The following LIPC variants were observed in gnomAD, a reference collection of about 807,000 sequenced individuals.
LIPC encodes the protein hepatic triacylglycerol lipase.
Under a neutral mutation model 50.7 loss-of-function variants are expected in LIPC, and 44 were observed. The observed-to-expected ratio is 0.87, with a 90% confidence interval of 0.68 to 1.11. The LOEUF (loss-of-function observed/expected upper bound fraction) is 1.11, where lower values mean the gene tolerates loss of function less well. Ranked by LOEUF, LIPC falls within the 50% of genes most tolerant of loss-of-function variation. The pLI, the probability that LIPC is intolerant of heterozygous loss-of-function variation, is 0.00. For missense variants in LIPC, 697 were observed against 648.2 expected (o/e 1.08, Z -0.82); for synonymous variants, 271 against 256.4 (o/e 1.06, Z -0.54).
At chr15:58,466,127 T>C (rs561778590) in intron 1 of LIPC, among the ~76,000 whole-genome samples, 1 of 152,242 alleles carries the variant, frequency 6.6e-6, no homozygotes, top group South Asian at 2.1e-4. Flanking sequence ...GAATCATTTA[T>C]GTAAGATTAT....
At chr15:58,508,965 A>T (rs1311565786) in intron 1 of LIPC, among the ~76,000 whole-genome samples, 2 of 152,120 alleles carry the variant, frequency 1.3e-5, no homozygotes, top group African/African-American at 4.8e-5. Flanking sequence ...CATTCACAAC[A>T]TCCCAATGTA....
In LIPC at chr15:58,527,787, GAATT is replaced by G. The variant is rs368666278; in HGVS notation, c.89-10542_89-10539del. ...TAAATGTGTGGTTGAATGAATAAAT[GAATT>G]AATGAATGAATGAATGAATGAATGG... is the stretch of plus-strand genomic sequence containing the variant. On this transcript the variant is annotated intron_variant, in intron 1 of 8. Transcript: ENST00000299022. Among the ~76,000 whole-genome samples the G allele has an allele frequency of 8.8e-3, 1,342 of 152,054 alleles. 17 individuals are homozygous for G. The highest frequency in any genetic ancestry group is 0.027 in the African/African-American group (1,116 of 41,402).
chr15:58,456,834 A>C (rs1338040832), intron 1 of LIPC, among the ~76,000 whole-genome samples: 2 of 152,280 alleles, frequency 1.3e-5, no homozygotes, highest in Admixed American at 1.3e-4. Context: ...AAATATGTAC[A>C]TATGTTTAAG....
chr15:58,499,112 G>C (rs2140832627), intron 1 of LIPC, among the ~76,000 whole-genome samples: 1 of 152,336 alleles, frequency 6.6e-6, no homozygotes, highest in East Asian at 1.9e-4. Flanking sequence ...GTGCCTGCCA[G>C]TGACAGGCTG....
At chr15:58,463,063 T>G (rs1352583720) in intron 1 of LIPC, among the ~76,000 whole-genome samples, 1 of 151,834 alleles carries the variant, frequency 6.6e-6, no homozygotes, top group Non-Finnish European at 1.5e-5. Flanking sequence ...GGACTGCCCC[T>G]GGAGCAGCAC....
intron 1 of LIPC, among the ~76,000 whole-genome samples, chr15:58,536,331 T>G (rs1381914210): frequency 6.6e-6 from 1 of 152,092 alleles, no homozygotes; most frequent in Non-Finnish European, 1.5e-5. Flanking sequence ...GGATCATCAC[T>G]CAGGTGGTGG....
intron 8 of LIPC, chr15:58,565,384 T>G: frequency 6.7e-7 from 1 of 1,500,824 alleles, no homozygotes; most frequent in Non-Finnish European, 8.9e-7. Flanking sequence ...AAAGGGTGGC[T>G]AAAGCACAAC....
intron 8 of LIPC, among the ~76,000 whole-genome samples, chr15:58,564,991 G>A (rs1169730270): frequency 4.6e-5 from 7 of 152,140 alleles, no homozygotes; most frequent in African/African-American, 1.7e-4. Flanking sequence ...TCATAGAGGT[G>A]GAAAACAGCA....
At chr15:58,565,243 T>C in intron 8 of LIPC, 4 of 1,535,736 alleles carry the variant, frequency 2.6e-6, no homozygotes, top group Non-Finnish European at 3.5e-6. Context: ...TGAGCTCTTC[T>C]CACATGACTC....
chr15:58,549,036 A>T (rs1349730257), intron 6 of LIPC, among the ~76,000 whole-genome samples: 5 of 152,294 alleles, frequency 3.3e-5, no homozygotes, highest in Middle Eastern at 3.4e-3. Context: ...ATCTGATAGG[A>T]CATGATATTC....
intron 1 of LIPC, among the ~76,000 whole-genome samples, chr15:58,442,575 A>G (rs1264653346): frequency 1.3e-5 from 2 of 152,216 alleles, no homozygotes; most frequent in African/African-American, 2.4e-5. Flanking sequence ...GTACAGAACA[A>G]CAGAAACCAT....
chr15:58,468,371 G>A (rs993567578), intron 1 of LIPC, among the ~76,000 whole-genome samples: 13 of 152,190 alleles, frequency 8.5e-5, no homozygotes, highest in Non-Finnish European at 4.4e-5. Context: ...GAACTTGTTA[G>A]ACATGTTAGG....
intron 1 of LIPC, among the ~76,000 whole-genome samples, chr15:58,513,739 G>T (rs79863435): frequency 0.037 from 5,611 of 152,282 alleles, 342 homozygotes; most frequent in African/African-American, 0.13. Flanking sequence ...GTTCACAGTT[G>T]TGCAGCTGAG....
intron 8 of LIPC, among the ~76,000 whole-genome samples, chr15:58,567,297 A>C (rs55769735): frequency 4.4e-5 from 1 of 22,634 alleles, no homozygotes; most frequent in Non-Finnish European, 1.1e-4. Flanking sequence ...ATATATACAT[A>C]TATATATACA....
intron 1 of LIPC, among the ~76,000 whole-genome samples, chr15:58,502,509 C>CTT (rs11332551): frequency 0.044 from 6,350 of 144,462 alleles, 474 homozygotes; most frequent in East Asian, 0.17. Context: ...GTAATTTTCT[C>CTT]TTTTTTTTTT....
At chr15:58,434,944 C>G (rs574813769) in intron 1 of LIPC, 9 of 152,320 alleles carry the variant, frequency 5.9e-5, no homozygotes, top group Admixed American at 5.9e-4. Context: ...ACCTGCCATA[C>G]GTAACGCAGT....
At chr15:58,467,464 C>T (rs369645910) in intron 1 of LIPC, among the ~76,000 whole-genome samples, 1 of 152,118 alleles carries the variant, frequency 6.6e-6, no homozygotes, top group East Asian at 1.9e-4. Flanking sequence ...TCTTCAAACC[C>T]GTCCTTTCCC....
intron 1 of LIPC, chr15:58,521,326 G>C (rs1318282016): frequency 2.0e-5 from 3 of 152,260 alleles, no homozygotes; most frequent in Non-Finnish European, 4.4e-5. Context: ...GTACAGCTTA[G>C]AGCCTAGTCA....
At chr15:58,562,117 A>G (rs1402660124) in intron 7 of LIPC, among the ~76,000 whole-genome samples, 1 of 152,206 alleles carries the variant, frequency 6.6e-6, no homozygotes. Flanking sequence ...GTGAACATAA[A>G]TAAATATTTG....
Sources: gnomAD v4.1 joint callset for allele counts (sites outside exome capture counted in the v4.1 genomes callset) on GRCh38, gnomAD v4.1.1 for gene constraint, MANE v1.5 for transcripts, NCBI Gene and HGNC (gene_info 2026-07-23, HGNC 2026-07-21) for gene names.